The following B4GALNT2 variants were observed in gnomAD, a reference collection of about 807,000 sequenced individuals.
B4GALNT2 encodes beta-1,4-N-acetyl-galactosaminyltransferase 2 (SID blood group).
B4GALNT2 carries 42 observed loss-of-function variants against 51.1 expected under a neutral mutation model. That is an observed-to-expected ratio of 0.82 (90% CI 0.64 to 1.06). The LOEUF is 1.06. Ranked by LOEUF, B4GALNT2 falls within the 50% of genes least tolerant of loss-of-function variation. The pLI, the probability that B4GALNT2 is intolerant of heterozygous loss-of-function variation, is 0.00. For missense variants in B4GALNT2, 602 were observed against 633.6 expected (o/e 0.95, Z 0.54); for synonymous variants, 253 against 251.7 (o/e 1.01, Z -0.05).
At chr17:49,140,522 C>G (rs1387777762) in intron 1 of B4GALNT2, among the ~76,000 whole-genome samples, 1 of 152,136 alleles carries the variant, frequency 6.6e-6, no homozygotes, top group Non-Finnish European at 1.5e-5. Flanking sequence ...GTCAGCATCT[C>G]TAACTATCTT....
chr17:49,176,711 AG>A lies in B4GALNT2; in HGVS notation c.*6984del, dbSNP rs2042991394. 2 of 152,222 alleles carry A rather than the reference AG, an allele frequency of 1.3e-5. No homozygotes were observed. The highest frequency in any genetic ancestry group is 2.4e-5 in the African/African-American group (1 of 41,438). 9.4% of individuals were successfully genotyped at this position (152,222 alleles called of 1,614,324 possible). On this transcript the variant is annotated 3_prime_UTR_variant, in exon 11 of 11. Transcript: ENST00000393354. ...CAACAGCAGATTCTATGACCACTTC[AG>A]CCCTGCCTTTACAGTTTCTGTTTAC...
intron 2 of B4GALNT2, among the ~76,000 whole-genome samples, chr17:49,141,663 G>A (rs561491331): frequency 6.6e-6 from 1 of 152,096 alleles, no homozygotes; most frequent in Non-Finnish European, 1.5e-5. Context: ...TAAAACTTTC[G>A]AGAGCATGTA....
rs976152789 is a variant in B4GALNT2, at chr17:49,169,525, T to A, written c.1318T>A (p.Phe440Ile). 6.2e-7 allele frequency: 1 copy of A among 1,610,928 alleles called. No individual in the cohort carries two copies. The highest frequency in any genetic ancestry group is 1.3e-5 in the African/African-American group (1 of 74,984). ...TTCTGCTCTCCCTCTCTTTGCAGAA[T>A]TCTTCATTGATGGGCTAGGGACCCT... Reference protein sequence around the residue: ...PRLQRVAHSEFFIDGLGTLLV... With the variant: ...PRLQRVAHSEIFIDGLGTLLV... Residue 440 changes from phenylalanine (F) to isoleucine (I), a missense_variant and splice_region_variant, in exon 11 of 11, where the codon TTC (phenylalanine) becomes ATC (isoleucine). Phe to Ile is a conservative substitution (Grantham distance 21). Coordinates refer to ENST00000393354, the MANE Select transcript of B4GALNT2 (RefSeq NM_001159387.2).
intron 3 of B4GALNT2, among the ~76,000 whole-genome samples, chr17:49,145,658 C>T (rs368772407): frequency 3.0e-4 from 46 of 152,290 alleles, no homozygotes; most frequent in African/African-American, 1.1e-3. Context: ...TCATTTGTAG[C>T]CCTGCCTGGA....
chr17:49,166,145 C>T lies in B4GALNT2; in HGVS notation c.986C>T (p.Ser329Phe). ...GWFAGRNLAI[S>F]QVTTKYVLWV... is the part of the protein sequence containing the mutation. ...TTTGCTGGTAGGAACCTGGCCATAT[C>T]TCAGGTCACCACCAAATACGTTCTC... The change falls in exon 9 of 11, where the codon TCT (serine) becomes TTT (phenylalanine). Residue 329 changes from serine (S) to phenylalanine (F), a missense_variant. Coordinates refer to ENST00000393354, the MANE Select transcript of B4GALNT2 (RefSeq NM_001159387.2). 1 of 1,614,058 alleles carries T rather than the reference C, an allele frequency of 6.2e-7. No individual in the cohort carries two copies. The highest frequency in any genetic ancestry group is 8.5e-7 in the Non-Finnish European group (1 of 1,179,966).
chr17:49,171,108 G>A lies in B4GALNT2; in HGVS notation c.*1380G>A, dbSNP rs2042954889. ...ACTGCAGAGATTTTGTTTATGGCCA[G>A]TTTTGGGGCCAGTTTATGGCCAGAT... On this transcript the variant is annotated 3_prime_UTR_variant, in exon 11 of 11. Coordinates refer to ENST00000393354, the MANE Select transcript of B4GALNT2 (RefSeq NM_001159387.2). 4.9e-6 allele frequency: 1 copy of A among 202,638 alleles called. No individual in the cohort carries two copies. The highest frequency in any genetic ancestry group is 5.4e-5 in the Admixed American group (1 of 18,560). The allele number at this position is 202,638 out of a possible 1,614,324, so 12.6% of individuals were successfully genotyped here. A position where few individuals can be genotyped will look rare whatever the true frequency, so the allele number is the denominator to read the frequency against.
In B4GALNT2 at chr17:49,173,730, A is replaced by T. The variant is rs2042971537; in HGVS notation, c.*4002A>T. The T allele has an allele frequency of 6.6e-6, 1 of 152,202 alleles. No individual in the cohort carries two copies. Among genetic ancestry groups the T allele is most frequent in the Non-Finnish European group, 1.5e-5 (1 of 68,026 alleles). 9.4% of individuals were successfully genotyped at this position (152,202 alleles called of 1,614,324 possible). On this transcript the variant is annotated 3_prime_UTR_variant, in exon 11 of 11. Coordinates refer to ENST00000393354, the MANE Select transcript of B4GALNT2 (RefSeq NM_001159387.2). ...CGATTTGATCCAAATAAGGAGTTAG[A>T]GTCCGTGAATTAGTATGTGGAAGAA...
rs2042956885 is a variant in B4GALNT2 at position 49,171,430 on chromosome 17, A to G, written c.*1702A>G. 1 of 417,090 alleles carries G rather than the reference A, an allele frequency of 2.4e-6. No homozygotes were observed. The highest frequency in any genetic ancestry group is 3.2e-5 in the Admixed American group (1 of 31,456). 25.8% of individuals were successfully genotyped at this position (417,090 alleles called of 1,614,324 possible). ...GATGCTTTAAATATTTGTTCTTTTA[A>G]TTTTGCAATATGCAAAGACAAGTTT... On this transcript the variant is annotated 3_prime_UTR_variant, in exon 11 of 11. Transcript: ENST00000393354.
At position 49,172,707 on chromosome 17, in the gene B4GALNT2, G is replaced by C. The variant is rs1598220903; in HGVS notation, c.*2979G>C. 1 of 152,152 alleles carries C rather than the reference G, an allele frequency of 6.6e-6. No homozygotes were observed. The highest frequency in any genetic ancestry group is 6.6e-5 in the Admixed American group (1 of 15,240). 9.4% of individuals were successfully genotyped at this position (152,152 alleles called of 1,614,324 possible). A position where few individuals can be genotyped will look rare whatever the true frequency, so the allele number is the denominator to read the frequency against. On this transcript the variant is annotated 3_prime_UTR_variant, in exon 11 of 11. Coordinates refer to ENST00000393354, the MANE Select transcript of B4GALNT2 (RefSeq NM_001159387.2). ...GCTAGAGCTTGGCTAGTACAGCCTG[G>C]GGCATTATCTGTTTTAATAGAAGCT...
intron 1 of B4GALNT2, among the ~76,000 whole-genome samples, chr17:49,139,076 A>G (rs1332800278): frequency 6.6e-6 from 1 of 152,160 alleles, no homozygotes; most frequent in Non-Finnish European, 1.5e-5. Context: ...AAATCTTACT[A>G]ATAGCTTCTC....
rs764847797 is a variant in B4GALNT2, at chr17:49,159,135, C to T, written c.597C>T (p.Thr199=). 1 of 1,614,206 alleles carries T rather than the reference C, an allele frequency of 6.2e-7. No individual in the cohort carries two copies. Among genetic ancestry groups the T allele is most frequent in the Non-Finnish European group, 8.5e-7 (1 of 1,180,042 alleles). Residue 199 remains threonine (T), a synonymous_variant, in exon 6 of 11, where the codon ACC becomes ACT. Coordinates refer to ENST00000393354, the MANE Select transcript of B4GALNT2 (RefSeq NM_001159387.2). ...GCCAGAAGCAGCTGATCATTTCTAC[C>T]AGTGACCGGAAGCTGTTGAAGTTCA... The part of the protein sequence containing the change: ...GRGQKQLIIS[T]SDRKLLKFIL...
At chr17:49,156,084 ATGT>A in intron 4 of B4GALNT2, among the ~76,000 whole-genome samples, 1 of 152,246 alleles carries the variant, frequency 6.6e-6, no homozygotes, top group Middle Eastern at 3.4e-3. Context: ...AAGTATATTC[ATGT>A]TGTTGTGCAA....
chr17:49,174,384 G>A lies in B4GALNT2; in HGVS notation c.*4656G>A, dbSNP rs1456853422. 1 of 152,204 alleles carries A rather than the reference G, an allele frequency of 6.6e-6. No homozygotes were observed. The highest frequency in any genetic ancestry group is 1.5e-5 in the Non-Finnish European group (1 of 68,040). 9.4% of individuals were successfully genotyped at this position (152,204 alleles called of 1,614,324 possible). A position where few individuals can be genotyped will look rare whatever the true frequency, so the allele number is the denominator to read the frequency against. The stretch of plus-strand genomic sequence containing the variant: ...CAGTGAAAATGCTTAGCAGGCTGCA[G>A]GTTGTTTACTGCAGGAATTGTAAAT... On this transcript the variant is annotated 3_prime_UTR_variant, in exon 11 of 11. Coordinates refer to ENST00000393354, the MANE Select transcript of B4GALNT2 (RefSeq NM_001159387.2).
intron 1 of B4GALNT2, among the ~76,000 whole-genome samples, chr17:49,137,453 C>G (rs919612432): frequency 6.6e-6 from 1 of 152,146 alleles, no homozygotes; most frequent in Non-Finnish European, 1.5e-5. Context: ...CCACCTTCCA[C>G]CATGGGATGA....
upstream of B4GALNT2, among the ~76,000 whole-genome samples, chr17:49,131,154 G>T (rs141992716): frequency 1.1e-4 from 16 of 152,284 alleles, no homozygotes; most frequent in African/African-American, 3.4e-4. Context: ...AATGAAGGAC[G>T]GGAATGAATA....
Position 49,168,761 on chromosome 17 carries a change from G to A in B4GALNT2, c.1176G>A (p.Lys392=), listed in dbSNP as rs868718164. 3 of 1,614,138 alleles carry A rather than the reference G, an allele frequency of 1.9e-6. No homozygotes were observed. The highest frequency in any genetic ancestry group is 2.7e-5 in the African/African-American group (2 of 75,052). ...EQSENGACLH[K]RMGFFQPLDG... is the part of the protein sequence containing the mutation. ...GTGAGAATGGGGCCTGCCTTCACAA[G>A]AGGATGGGATTTTTCCAACCCCTGG... The change falls in exon 10 of 11, where the codon AAG becomes AAA. Residue 392 remains lysine, a synonymous_variant. Coordinates refer to ENST00000393354, the MANE Select transcript of B4GALNT2 (RefSeq NM_001159387.2).
intron 3 of B4GALNT2, among the ~76,000 whole-genome samples, chr17:49,145,328 A>T (rs1212899968): frequency 6.6e-6 from 1 of 152,248 alleles, no homozygotes. Context: ...AAATACTATT[A>T]CATAAAGTTA....
chr17:49,152,942 C>T (rs1348971946), intron 4 of B4GALNT2, 36 bp downstream of exon 4: 2 of 1,543,658 alleles, frequency 1.3e-6, no homozygotes, highest in Non-Finnish European at 1.8e-6. Context: ...CCCCAGACAA[C>T]ATTCTCACTC....
chr17:49,164,015 T>A, intron 7 of B4GALNT2, 73 bp from the exon 8 acceptor site: 1 of 1,429,280 alleles, frequency 7.0e-7, no homozygotes, highest in African/African-American at 1.4e-5. Context: ...AAAGAAGCCA[T>A]CAGATCAAAG....
Sources: gnomAD v4.1 joint callset for allele counts (sites outside exome capture counted in the v4.1 genomes callset) on GRCh38, gnomAD v4.1.1 for gene constraint, MANE v1.5 for transcripts, NCBI Gene and HGNC (gene_info 2026-07-23, HGNC 2026-07-21) for gene names.